MTFR1: variants seen among roughly 807,000 people sequenced by gnomAD.
MTFR1 encodes mitochondrial fission regulator 1, also known as chondrocyte protein with a poly-proline region.
In MTFR1, 28 loss-of-function variants were observed where a neutral mutation model predicts 38.8. That is an observed-to-expected ratio of 0.72 (90% CI 0.53 to 0.99). The LOEUF (loss-of-function observed/expected upper bound fraction) is 0.99, where lower values mean the gene tolerates loss of function less well. Ranked by LOEUF, MTFR1 falls within the 50% of genes least tolerant of loss-of-function variation. MTFR1 has a pLI of 0.00. For missense variants in MTFR1, 358 were observed against 395.5 expected (o/e 0.91, Z 0.81); for synonymous variants, 145 against 137.0 (o/e 1.06, Z -0.41).
intron 3 of MTFR1, among the ~76,000 whole-genome samples, chr8:65,730,167 A>ACCT (rs1806797142): frequency 3.4e-5 from 1 of 29,172 alleles, no homozygotes. Context: ...CAGGTTGCGC[A>ACCT]CTTCTTTTTT....
intron 3 of MTFR1, among the ~76,000 whole-genome samples, chr8:65,760,762 G>A (rs891575576): frequency 3.9e-5 from 6 of 152,154 alleles, no homozygotes; most frequent in Non-Finnish European, 8.8e-5. Flanking sequence ...CTTTGGAAAA[G>A]CCTAGACTCC....
At chr8:65,673,564 C>G (rs1010479328) in intron 2 of MTFR1, among the ~76,000 whole-genome samples, 2 of 151,400 alleles carry the variant, frequency 1.3e-5, no homozygotes, top group South Asian at 4.2e-4. Context: ...TTTAACAAAC[C>G]TGCACGTTCT....
intron 4 of MTFR1, among the ~76,000 whole-genome samples, chr8:65,693,984 C>A (rs1805357580): frequency 6.6e-6 from 1 of 151,630 alleles, no homozygotes; most frequent in Admixed American, 6.6e-5. Flanking sequence ...TTCACTGCAG[C>A]CTTGACCTCC....
At chr8:65,763,434 G>A (rs1193388592) in intron 3 of MTFR1, among the ~76,000 whole-genome samples, 1 of 151,972 alleles carries the variant, frequency 6.6e-6, no homozygotes. Context: ...GCGTGGTGGC[G>A]CAGGTCTGTA....
intron 4 of MTFR1, among the ~76,000 whole-genome samples, chr8:65,704,174 T>C (rs1805708609): frequency 6.6e-6 from 1 of 152,226 alleles, no homozygotes; most frequent in African/African-American, 2.4e-5. Context: ...AGTTCTTCAC[T>C]GTTAATTAAA....
intron 3 of MTFR1, chr8:65,724,979 T>C (rs1436132106): frequency 4.5e-6 from 5 of 1,107,186 alleles, no homozygotes; most frequent in East Asian, 2.8e-5. Context: ...TATTTATTGA[T>C]TTTTTTTCTT....
chr8:65,720,556 T>C (rs2129063607), intron 3 of MTFR1: 1 of 154,302 alleles, frequency 6.5e-6, no homozygotes, highest in South Asian at 2.0e-4. Context: ...TTTAAGTGTA[T>C]ATAATTATGG....
intron 4 of MTFR1, among the ~76,000 whole-genome samples, chr8:65,694,320 C>A (rs1181977732): frequency 6.6e-6 from 1 of 152,018 alleles, no homozygotes; most frequent in East Asian, 1.9e-4. Flanking sequence ...GATGATCCAC[C>A]CGCCTTGCCC....
At chr8:65,727,042 G>T in intron 3 of MTFR1, 1 of 984,694 alleles carries the variant, frequency 1.0e-6, no homozygotes, top group Non-Finnish European at 1.6e-6. Context: ...AATACTGTTA[G>T]CAATATTAAT....
chr8:65,674,471 G>C (rs1419372577), intron 2 of MTFR1, among the ~76,000 whole-genome samples: 1 of 151,924 alleles, frequency 6.6e-6, no homozygotes, highest in Non-Finnish European at 1.5e-5. Context: ...AATTAGCCGG[G>C]CATGGTGGTG....
At chr8:65,739,825 A>T (rs1252766075) in intron 3 of MTFR1, among the ~76,000 whole-genome samples, 1 of 152,224 alleles carries the variant, frequency 6.6e-6, no homozygotes, top group African/African-American at 2.4e-5. Flanking sequence ...ACAACCAAAG[A>T]ACTGAAAACT....
chr8:65,725,639 T>C (rs1806577780), intron 3 of MTFR1: 2 of 152,132 alleles, frequency 1.3e-5, no homozygotes, highest in Non-Finnish European at 2.9e-5. Flanking sequence ...GCAAATACTA[T>C]CTCTGTATAA....
chr8:65,644,980 G>T (rs1216865274), intron 1 of MTFR1, among the ~76,000 whole-genome samples, 196 bp downstream of exon 1: 1 of 152,230 alleles, frequency 6.6e-6, no homozygotes, highest in Non-Finnish European at 1.5e-5. Context: ...GACTGCCTCG[G>T]CTGAGGGCGC....
chr8:65,683,888 TC>T (rs1804985135), intron 3 of MTFR1, among the ~76,000 whole-genome samples: 1 of 152,226 alleles, frequency 6.6e-6, no homozygotes, highest in African/African-American at 2.4e-5. Context: ...TCAAGTACTT[TC>T]CAAGAATTCA....
chr8:65,768,236 T>G (rs1808896294), intron 3 of MTFR1, among the ~76,000 whole-genome samples: 1 of 152,312 alleles, frequency 6.6e-6, no homozygotes, highest in African/African-American at 2.4e-5. Flanking sequence ...TTTAATGAGC[T>G]AAAATATTCC....
chr8:65,698,260 C>T (rs954316637), intron 4 of MTFR1, among the ~76,000 whole-genome samples: 7 of 151,120 alleles, frequency 4.6e-5, no homozygotes, highest in African/African-American at 7.3e-5. Context: ...GCGATCCTCT[C>T]ACCTTAACCT....
At chr8:65,730,745 T>C (rs1177945603) in intron 3 of MTFR1, among the ~76,000 whole-genome samples, 1 of 151,962 alleles carries the variant, frequency 6.6e-6, no homozygotes, top group Non-Finnish European at 1.5e-5. Flanking sequence ...CTGGCCATCA[T>C]GGCAAAACCC....
chr8:65,707,402 C>A (rs1050953920), intron 6 of MTFR1, 146 bp downstream of exon 6: 35 of 778,982 alleles, frequency 4.5e-5, no homozygotes, highest in Non-Finnish European at 6.8e-5. Flanking sequence ...GGCTTCTATA[C>A]ACAGTAGCTA....
intron 4 of MTFR1, among the ~76,000 whole-genome samples, chr8:65,699,770 G>T (rs1439765929): frequency 6.6e-6 from 1 of 152,112 alleles, no homozygotes; most frequent in Admixed American, 6.5e-5. Flanking sequence ...CTACCCTTCT[G>T]TGTTTATAAC....
Sources: allele counts gnomAD v4.1 joint callset (sites outside exome capture counted in the v4.1 genomes callset), GRCh38; gene constraint gnomAD v4.1.1; transcripts MANE v1.5; gene names NCBI Gene and HGNC (gene_info 2026-07-23, HGNC 2026-07-21).